The following RBM19 variants were observed in gnomAD, a reference collection of about 807,000 sequenced individuals.
The protein encoded by RBM19 is RNA binding motif protein 19, also known as probable RNA-binding protein 19.
A neutral mutation model predicts 116.8 loss-of-function variants in RBM19; 94 were observed. The observed-to-expected ratio is 0.80, with a 90% CI of 0.68 to 0.95. RBM19 has a LOEUF of 0.95. RBM19 is among the 40% of genes least tolerant of loss of function. RBM19 has a pLI of 0.00. For synonymous variants in RBM19, 475 were observed against 494.1 expected (o/e 0.96, Z 0.51); for missense variants, 1,161 against 1,220.7 (o/e 0.95, Z 0.73).
In RBM19 at chr12:113,920,676, T is replaced by C. The variant is rs755622048; in HGVS notation, c.2320A>G (p.Met774Val). The C allele has an allele frequency of 2.5e-6, 4 of 1,613,662 alleles. No homozygotes were observed. Among genetic ancestry groups the C allele is most frequent in the Non-Finnish European group, 1.7e-6 (2 of 1,179,784 alleles). The change falls in exon 19 of 24, where the codon ATG becomes GTG. Residue 774 changes from methionine (M) to valine (V), a missense_variant. Transcript: ENST00000261741. ...KKNKAGVLLSMGFGFVEYRKP... is the reference protein window; with the variant it reads ...KKNKAGVLLSVGFGFVEYRKP... ...CTGTATTCCACAAATCCAAACCCCA[T>C]GGAAAGGAGCACTCCTGAGAGAGAG...
intron 15 of RBM19, among the ~76,000 whole-genome samples, chr12:113,939,328 C>T (rs7299199): frequency 0.16 from 24,208 of 151,338 alleles, 2,550 homozygotes; most frequent in African/African-American, 0.3. Flanking sequence ...AATACTTTTT[C>T]AAAAAAATAA....
In RBM19 at chr12:113,822,185, A is replaced by G. The variant is rs1056914565; in HGVS notation, c.*1039T>C. On this transcript the variant is annotated 3_prime_UTR_variant, in exon 24 of 24. Transcript: ENST00000261741. Reference sequence around the variant, plus strand: ...ACAGAGGCTCAGCCAGGATGTCATTAGTCTGAGGTCGCACCTCGGGGAATG... The same window carrying G: ...ACAGAGGCTCAGCCAGGATGTCATTGGTCTGAGGTCGCACCTCGGGGAATG... 21 of 152,252 alleles carry G rather than the reference A, an allele frequency of 1.4e-4. No homozygotes were observed. Among genetic ancestry groups the G allele is most frequent in the African/African-American group, 5.1e-4 (21 of 41,454 alleles). 9.4% of individuals were successfully genotyped at this position (152,252 alleles called of 1,614,324 possible). A position where few individuals can be genotyped will look rare whatever the true frequency, so the allele number is the denominator to read the frequency against.
Position 113,825,560 on chromosome 12 carries a change from G to T in RBM19, c.2786-2239C>A, listed in dbSNP as rs531482708. Among the ~76,000 whole-genome samples the T allele has an allele frequency of 3.9e-5, 6 of 152,322 alleles. No individual in the cohort carries two copies. The South Asian group carries it at 1.2e-3, about 32-fold the overall frequency. On this transcript the variant is annotated intron_variant, in intron 23 of 23. Transcript: ENST00000261741. The surrounding 1 kb of genome is among the most constrained non-coding windows in gnomAD (Gnocchi z 5.7). Reference sequence around the variant, plus strand: ...TGACGCCCCTCCCATCTGCTAATATGAGTTGGGGATGGCAGCTCACTCCTG... The same window carrying T: ...TGACGCCCCTCCCATCTGCTAATATTAGTTGGGGATGGCAGCTCACTCCTG...
intron 12 of RBM19, 89 bp downstream of exon 12, chr12:113,946,265 G>C (rs1412740523): frequency 6.4e-7 from 1 of 1,570,138 alleles, no homozygotes; most frequent in Non-Finnish European, 8.7e-7. Context: ...CCCATCAGGA[G>C]TCAGAAGACC....
At chr12:113,855,571 C>T (rs1280364562) in intron 22 of RBM19, among the ~76,000 whole-genome samples, 1 of 152,158 alleles carries the variant, frequency 6.6e-6, no homozygotes, top group East Asian at 1.9e-4. Context: ...CAGGGTTGAA[C>T]TGAGCCCTGG....
At chr12:113,927,353 G>C in intron 16 of RBM19, 124 bp from the exon 17 acceptor site, 2 of 1,203,484 alleles carry the variant, frequency 1.7e-6, no homozygotes, top group Non-Finnish European at 2.2e-6. Context: ...TGCCTCTGCG[G>C]GCAGTGGCAG....
chr12:113,861,381 G>A (rs1337995975), intron 21 of RBM19, among the ~76,000 whole-genome samples: 1 of 152,120 alleles, frequency 6.6e-6, no homozygotes, highest in Non-Finnish European at 1.5e-5. Context: ...CCCACACTGT[G>A]TGCAAACCCT....
chr12:113,943,476 A>C (rs566876936), intron 13 of RBM19, among the ~76,000 whole-genome samples: 1 of 148,824 alleles, frequency 6.7e-6, no homozygotes, highest in East Asian at 1.9e-4. Flanking sequence ...GAGGAAAAAA[A>C]GACTACAATA....
chr12:113,878,664 CACACACA>C (rs1879845561), intron 21 of RBM19, among the ~76,000 whole-genome samples: 2 of 149,466 alleles, frequency 1.3e-5, no homozygotes, highest in African/African-American at 5.1e-5. Flanking sequence ...CACACACACA[CACACACA>C]CCCTCACTCA....
At chr12:113,857,935 T>G (rs1484493557) in intron 22 of RBM19, among the ~76,000 whole-genome samples, 4 of 152,264 alleles carry the variant, frequency 2.6e-5, no homozygotes, top group African/African-American at 4.8e-5. Context: ...CAGCCATTAA[T>G]GAGACCTCCC....
At chr12:113,829,304 C>T (rs1198359778) in intron 23 of RBM19, among the ~76,000 whole-genome samples, 65 of 152,314 alleles carry the variant, frequency 4.3e-4, no homozygotes, top group Non-Finnish European at 5.9e-5. Flanking sequence ...TAAAACACAG[C>T]GAGTCCTTCT....
rs184740497 is a variant in RBM19, at chr12:113,905,977, A to C, written c.2558+8992T>G. Among the ~76,000 whole-genome samples, 3 of 152,234 alleles carry C rather than the reference A, an allele frequency of 2.0e-5. No homozygotes were observed. The East Asian group carries it at 5.8e-4, about 29-fold the overall frequency. On this transcript the variant is annotated intron_variant, in intron 21 of 23. Coordinates refer to ENST00000261741, the MANE Select transcript of RBM19 (RefSeq NM_016196.4). ...AAAAGACAGACAACACCAAGTGTGG[A>C]CGAGGATGAGGCGCACCAGAACACC...
intron 16 of RBM19, among the ~76,000 whole-genome samples, chr12:113,931,191 T>C (rs187992996): frequency 6.6e-6 from 1 of 152,254 alleles, no homozygotes; most frequent in African/African-American, 2.4e-5. Context: ...ATGTATTGTA[T>C]AGGTTGTTTC....
intron 1 of RBM19, among the ~76,000 whole-genome samples, chr12:113,962,748 T>G (rs1430357489): frequency 6.6e-6 from 1 of 152,202 alleles, no homozygotes; most frequent in Non-Finnish European, 1.5e-5. Flanking sequence ...AATAAATACT[T>G]GTAGGAATAA....
intron 23 of RBM19, among the ~76,000 whole-genome samples, chr12:113,835,332 C>A (rs1023767482): frequency 6.6e-6 from 1 of 152,040 alleles, no homozygotes; most frequent in Admixed American, 6.6e-5. Context: ...GATGTGGGGC[C>A]CAGGCAGGTT....
chr12:113,821,845 T>C (rs1276280326), downstream of RBM19, among the ~76,000 whole-genome samples: 16 of 152,176 alleles, frequency 1.1e-4, no homozygotes. Context: ...GTGCCTGCCC[T>C]AGAGGACACG....
intron 21 of RBM19, among the ~76,000 whole-genome samples, chr12:113,864,701 G>A (rs1168272163): frequency 6.6e-6 from 1 of 152,170 alleles, no homozygotes; most frequent in African/African-American, 2.4e-5. Context: ...TGTAGTGGAG[G>A]GAGGCTTGGG....
chr12:113,896,372 C>T (rs913471840), intron 21 of RBM19, among the ~76,000 whole-genome samples: 2 of 152,214 alleles, frequency 1.3e-5, no homozygotes, highest in Admixed American at 6.5e-5. Flanking sequence ...AATTTCTGGG[C>T]TCGGGGGCAT....
At position 113,833,857 on chromosome 12, in the gene RBM19, C is replaced by T. The variant is rs1045932746; in HGVS notation, c.2786-10536G>A. ...CTCCTGGGCTCAAGTGATCCTCCCA[C>T]CTCAGCCTCCCGAGTAGCTGGGACT... On this transcript the variant is annotated intron_variant, in intron 23 of 23. Coordinates refer to ENST00000261741, the MANE Select transcript of RBM19 (RefSeq NM_016196.4). 5.9e-5 allele frequency among the ~76,000 whole-genome samples: 9 copies of T among 152,308 alleles called. No homozygotes were observed. The East Asian group carries it at 1.5e-3, about 26-fold the overall frequency.
Sources: gnomAD v4.1 joint callset for allele counts (sites outside exome capture counted in the v4.1 genomes callset) on GRCh38, gnomAD v4.1.1 for gene constraint, Gnocchi (gnomAD v3.1) non-coding constraint, MANE v1.5 for transcripts, NCBI Gene and HGNC (gene_info 2026-07-23, HGNC 2026-07-21) for gene names.